Variants in JAK1 observed in about 807,000 individuals in gnomAD.
JAK1 encodes the protein Janus kinase 1.
JAK1 carries 16 observed loss-of-function variants against 136.6 expected under a neutral mutation model. The observed-to-expected ratio is 0.12, with a 90% CI of 0.08 to 0.18. The LOEUF (loss-of-function observed/expected upper bound fraction) is 0.18. Among genes scored for constraint, JAK1 ranks in the 10% least tolerant of loss-of-function variants. The pLI is 1.00. For missense variants in JAK1, 859 were observed against 1,450.1 expected (o/e 0.59, Z 6.62); for synonymous variants, 492 against 519.5 (o/e 0.95, Z 0.72).
intron 1 of JAK1, among the ~76,000 whole-genome samples, chr1:65,062,477 T>C (rs1647835576): frequency 6.6e-6 from 1 of 152,210 alleles, no homozygotes; most frequent in East Asian, 1.9e-4. Context: ...CAAATTCCCT[T>C]AATGGACAGC....
At chr1:64,841,178 CAG>C in intron 19 of JAK1, 65 bp downstream of exon 19, 2 of 1,132,072 alleles carry the variant, frequency 1.8e-6, no homozygotes, top group Non-Finnish European at 2.7e-6. Flanking sequence ...GCTGTACGTG[CAG>C]AGAGTGGCGC....
At position 64,850,856 on chromosome 1, in the gene JAK1, T is replaced by C. The variant is rs1006617264; in HGVS notation, c.1703A>G (p.Tyr568Cys). The stretch of plus-strand genomic sequence containing the variant: ...ATCGAAACTCAGCTGGCTCATGGGG[T>C]AGACGGGCTGCCACTCCTGGGCTTT... ...TKKAQEWQPV[Y>C]PMSQLSFDRI... Residue 568 changes from tyrosine to cysteine, a missense_variant, in exon 12 of 25, where the codon TAC (tyrosine) becomes TGC (cysteine). Coordinates refer to ENST00000342505, the MANE Select transcript of JAK1 (RefSeq NM_002227.4). The C allele has an allele frequency of 2.5e-6, 4 of 1,614,038 alleles. No individual in the cohort carries two copies. The highest frequency in any genetic ancestry group is 2.5e-6 in the Non-Finnish European group (3 of 1,180,000).
intron 1 of JAK1, among the ~76,000 whole-genome samples, chr1:64,932,063 T>C (rs1221031500): frequency 6.6e-6 from 1 of 152,100 alleles, no homozygotes; most frequent in African/African-American, 2.4e-5. Context: ...TCAGGTTCTT[T>C]ACATCTCATT....
intron 2 of JAK1, among the ~76,000 whole-genome samples, chr1:64,983,914 A>C (rs936055808): frequency 2.0e-5 from 3 of 152,234 alleles, no homozygotes; most frequent in Admixed American, 6.5e-5. Flanking sequence ...GAAGGACAGA[A>C]ATTGTTAAGA....
chr1:64,961,866 A>T (rs559738556), intron 1 of JAK1, among the ~76,000 whole-genome samples: 7 of 152,338 alleles, frequency 4.6e-5, no homozygotes, highest in Admixed American at 2.0e-4. Flanking sequence ...AATGTGTTAC[A>T]GCCATGTATA....
At chr1:64,853,216 G>C (rs920109632) in intron 11 of JAK1, among the ~76,000 whole-genome samples, 7 of 152,176 alleles carry the variant, frequency 4.6e-5, no homozygotes, top group Admixed American at 3.9e-4. Flanking sequence ...AGGGAAGAGA[G>C]AGAGCTTTGG....
chr1:64,881,583 A>T (rs2101243661), intron 3 of JAK1, among the ~76,000 whole-genome samples: 1 of 152,324 alleles, frequency 6.6e-6, no homozygotes, highest in South Asian at 2.1e-4. Flanking sequence ...GGCATTCAGT[A>T]TGTATTTCTG....
chr1:65,059,049 AC>A (rs1401098020), intron 1 of JAK1, among the ~76,000 whole-genome samples: 1 of 152,082 alleles, frequency 6.6e-6, no homozygotes, highest in East Asian at 1.9e-4. Flanking sequence ...TTTGGTTTTC[AC>A]AAGACGCTAT....
At chr1:64,968,811 A>G (rs1646423124), upstream of JAK1, among the ~76,000 whole-genome samples, 1 of 151,982 alleles carries the variant, frequency 6.6e-6, no homozygotes, top group East Asian at 1.9e-4. Flanking sequence ...GGGAACCTGT[A>G]ATCTCAGCTA....
chr1:64,975,720 C>G (rs1355183997), intron 2 of JAK1, among the ~76,000 whole-genome samples: 1 of 152,170 alleles, frequency 6.6e-6, no homozygotes, highest in East Asian at 1.9e-4. Context: ...CAGTCATACC[C>G]TTCTCAGGCC....
intron 3 of JAK1, among the ~76,000 whole-genome samples, chr1:64,881,599 G>A (rs1050419218): frequency 6.6e-6 from 1 of 152,198 alleles, no homozygotes; most frequent in African/African-American, 2.4e-5. Flanking sequence ...TTCTGAAATT[G>A]ATGAGTTTCT....
At chr1:64,956,020 C>T (rs1228637511) in intron 1 of JAK1, among the ~76,000 whole-genome samples, 1 of 152,224 alleles carries the variant, frequency 6.6e-6, no homozygotes, top group Non-Finnish European at 1.5e-5. Flanking sequence ...TATTTTGTTA[C>T]AAGTGAAAAT....
chr1:64,900,103 A>C (rs1261451719), intron 1 of JAK1, among the ~76,000 whole-genome samples: 1 of 152,232 alleles, frequency 6.6e-6, no homozygotes, highest in Non-Finnish European at 1.5e-5. Context: ...CCTGGGTTAT[A>C]CAGGAAATTA....
chr1:65,016,828 G>A (rs1169574178), intron 2 of JAK1, among the ~76,000 whole-genome samples: 1 of 151,738 alleles, frequency 6.6e-6, no homozygotes, highest in Non-Finnish European at 1.5e-5. Flanking sequence ...AACCCGAGAG[G>A]CAGAGGTTGC....
At position 65,028,777 on chromosome 1, in the gene JAK1, A is replaced by G. The variant is rs1263389515; in HGVS notation, c.-78+15703T>C. On this transcript the variant is annotated intron_variant, in intron 2 of 25. Coordinates refer to the JAK1 transcript ENST00000671954. Reference sequence around the variant, plus strand: ...TGATTTAATCCTCCCAATAGCACTGAGATAAGGGTTATCATCCCTATTTTG... The same window carrying G: ...TGATTTAATCCTCCCAATAGCACTGGGATAAGGGTTATCATCCCTATTTTG... 2.6e-5 allele frequency among the ~76,000 whole-genome samples: 4 copies of G among 152,210 alleles called. No homozygotes were observed. The East Asian group carries it at 7.7e-4, about 29-fold the overall frequency.
At chr1:64,945,988 C>T (rs538053736) in intron 1 of JAK1, among the ~76,000 whole-genome samples, 2 of 152,306 alleles carry the variant, frequency 1.3e-5, no homozygotes, top group African/African-American at 2.4e-5. Context: ...CCACCCACCT[C>T]GGCCTTCCAG....
At chr1:65,056,866 G>A (rs1647562949) in intron 1 of JAK1, among the ~76,000 whole-genome samples, 1 of 147,914 alleles carries the variant, frequency 6.8e-6, no homozygotes. Context: ...AGAGGTTGCA[G>A]TGAACCAAGA....
chr1:64,845,444 C>T, intron 15 of JAK1, 69 bp downstream of exon 15: 1 of 1,587,988 alleles, frequency 6.3e-7, no homozygotes. Context: ...CTAGCACCTC[C>T]TTCCTGCCAC....
intron 8 of JAK1, among the ~76,000 whole-genome samples, chr1:64,863,405 C>T (rs746526912): frequency 2.0e-5 from 3 of 151,828 alleles, no homozygotes; most frequent in Non-Finnish European, 2.9e-5. Context: ...AGGATGTGCT[C>T]CATCAACAGC....
Sources: allele counts gnomAD v4.1 joint callset (sites outside exome capture counted in the v4.1 genomes callset), GRCh38; gene constraint gnomAD v4.1.1; transcripts MANE v1.5; gene names NCBI Gene and HGNC (gene_info 2026-07-23, HGNC 2026-07-21).